Variants in APBA1 observed in about 807,000 individuals in gnomAD.
APBA1 encodes the protein amyloid-beta A4 precursor protein-binding family A member 1.
APBA1 carries 55 observed loss-of-function variants against 86.6 expected under a neutral mutation model. The ratio of observed to expected loss-of-function variants is 0.64; its 90% CI spans 0.51 to 0.80. The LOEUF (loss-of-function observed/expected upper bound fraction) is 0.80. Ranked by LOEUF, APBA1 falls within the 30% of genes least tolerant of loss-of-function variation. The probability of loss-of-function intolerance (pLI) is 0.00; values close to 1 mark genes in which losing one functional copy is unlikely to be tolerated. For synonymous variants in APBA1, 511 were observed against 493.9 expected, an observed-to-expected ratio of 1.03 and a Z score of -0.46; for missense variants, 1,090 against 1,183.0, an observed-to-expected ratio of 0.92 and a Z score of 1.15.
intron 1 of APBA1, among the ~76,000 whole-genome samples, chr9:69,587,949 C>T (rs746886531): frequency 6.6e-6 from 1 of 150,544 alleles, no homozygotes; most frequent in African/African-American, 2.4e-5. Context: ...TCGTTTGAAC[C>T]CGGGAGGTGG....
At chr9:69,576,155 G>A (rs1423339890) in intron 1 of APBA1, among the ~76,000 whole-genome samples, 1 of 152,168 alleles carries the variant, frequency 6.6e-6, no homozygotes, top group African/African-American at 2.4e-5. Context: ...AAACCACAAT[G>A]AGATACCATC....
chr9:69,506,011 T>G (rs542144140), intron 2 of APBA1, among the ~76,000 whole-genome samples: 5 of 147,360 alleles, frequency 3.4e-5, no homozygotes, highest in Admixed American at 6.8e-5. Context: ...AGAGCAAGAC[T>G]CCATCTAAAA....
At position 69,516,415 on chromosome 9, in the gene APBA1, G is replaced by C; in HGVS notation, c.796C>G (p.Gln266Glu). The C allele has an allele frequency of 3.7e-6, 6 of 1,604,834 alleles. No homozygotes were observed. Among genetic ancestry groups the C allele is most frequent in the Non-Finnish European group, 4.2e-6 (5 of 1,178,708 alleles). The change falls in exon 2 of 13, where the codon CAG (glutamine) becomes GAG (glutamate). Residue 266 changes from glutamine (Q) to glutamate (E), a missense_variant. By Grantham distance (29) the Gln-to-Glu change is conservative. Coordinates refer to ENST00000265381, the MANE Select transcript of APBA1 (RefSeq NM_001163.4). This position sits in a 1 kb window ranked among gnomAD's most constrained non-coding sequence, Gnocchi z 7.3. Reference protein sequence around the residue: ...APYPRMDSYEQEEDIDQIVAE... With the variant: ...APYPRMDSYEEEEDIDQIVAE... ...ACTATCTGGTCGATGTCCTCCTCCT[G>C]CTCGTAGCTGTCCATGCGCGGGTAG...
At position 69,467,881 on chromosome 9, in the gene APBA1, T is replaced by A; in HGVS notation, c.1424A>T (p.Lys475Ile). 1 of 1,614,142 alleles carries A rather than the reference T, an allele frequency of 6.2e-7. No individual in the cohort carries two copies. Among genetic ancestry groups the A allele is most frequent in the Non-Finnish European group, 8.5e-7 (1 of 1,180,028 alleles). Reference sequence around the variant, plus strand: ...CATGCGCACGTTTTTGGAAGGAGTTTTGTCTGAGAGCAGCTGAGTGGAGCC... The same window carrying A: ...CATGCGCACGTTTTTGGAAGGAGTTATGTCTGAGAGCAGCTGAGTGGAGCC... ...YLGSTQLLSD[K>I]TPSKNVRMMQ... Residue 475 changes from lysine (K) to isoleucine (I), a missense_variant, in exon 5 of 13, where the codon AAA (lysine) becomes ATA (isoleucine). Lys to Ile is a moderately radical substitution (Grantham distance 102). Coordinates refer to ENST00000265381, the MANE Select transcript of APBA1 (RefSeq NM_001163.4).
intron 1 of APBA1, among the ~76,000 whole-genome samples, chr9:69,557,522 G>C (rs1037401951): frequency 6.6e-6 from 1 of 152,052 alleles, no homozygotes; most frequent in African/African-American, 2.4e-5. Context: ...CTGCCCTGTT[G>C]CCTGCCATCA....
In APBA1 at chr9:69,481,371, T is replaced by C. The variant is rs528934779; in HGVS notation, c.1201-5228A>G. Among the ~76,000 whole-genome samples, 496 of 152,078 alleles carry C rather than the reference T, an allele frequency of 3.3e-3. 4 individuals are homozygous for C. The highest frequency in any genetic ancestry group is 0.011 in the African/African-American group (474 of 41,466). On this transcript the variant is annotated intron_variant, in intron 2 of 12. Coordinates refer to ENST00000265381, the MANE Select transcript of APBA1 (RefSeq NM_001163.4). ...ATCATGAGCGAACTCCCATTCACAA[T>C]TGCTTCAAAGAGAATACAATACCTA...
At position 69,577,261 on chromosome 9, in the gene APBA1, T is replaced by C. The variant is rs550609661; in HGVS notation, c.-69-59982A>G. Among the ~76,000 whole-genome samples, 30 of 152,298 alleles carry C rather than the reference T, an allele frequency of 2.0e-4. No homozygotes were observed. The East Asian group carries it at 2.5e-3, about 13-fold the overall frequency. The stretch of plus-strand genomic sequence containing the variant: ...GTAATTTGTGAATAATTTTATTGAG[T>C]AAATAATCAACTTGGTCTATGTGAA... On this transcript the variant is annotated intron_variant, in intron 1 of 12. Transcript: ENST00000265381.
chr9:69,504,329 C>T (rs1467784212), intron 2 of APBA1, among the ~76,000 whole-genome samples: 1 of 152,092 alleles, frequency 6.6e-6, no homozygotes, highest in Non-Finnish European at 1.5e-5. Flanking sequence ...CTACTTTCCA[C>T]CTTTTTGCCA....
At chr9:69,446,286 T>C (rs1834906359) in intron 10 of APBA1, among the ~76,000 whole-genome samples, 1 of 150,976 alleles carries the variant, frequency 6.6e-6, no homozygotes. Context: ...GGACGGACCA[T>C]CACATTTCCC....
chr9:69,629,603 G>A (rs550631652), intron 1 of APBA1, among the ~76,000 whole-genome samples: 10 of 152,324 alleles, frequency 6.6e-5, no homozygotes, highest in Admixed American at 6.5e-4. Flanking sequence ...AGTCCAGATT[G>A]ACAGTCAGCT....
intron 1 of APBA1, among the ~76,000 whole-genome samples, chr9:69,531,732 A>C (rs998852543): frequency 3.9e-5 from 6 of 152,224 alleles, no homozygotes; most frequent in Non-Finnish European, 7.3e-5. Flanking sequence ...AGGGAAAGTA[A>C]AAACAGAGAG....
chr9:69,563,392 A>C (rs557943315), intron 1 of APBA1, among the ~76,000 whole-genome samples: 4 of 152,348 alleles, frequency 2.6e-5, no homozygotes, highest in African/African-American at 9.6e-5. Context: ...AAATGACTAC[A>C]AATAAAAAGC....
At position 69,431,141 on chromosome 9, in the gene APBA1, G is replaced by GAAA. The variant is rs772262179; in HGVS notation, c.*183_*185dup. 2.4e-4 allele frequency: 68 copies of GAAA among 285,078 alleles called. No individual in the cohort carries two copies. The highest frequency in any genetic ancestry group is 6.9e-4 in the Middle Eastern group (1 of 1,444). The allele number at this position is 285,078 out of a possible 1,614,324, so 17.7% of individuals were successfully genotyped here. A position where few individuals can be genotyped will look rare whatever the true frequency, so the allele number is the denominator to read the frequency against. ...GTGCATACGAAACTTCCCTGGTATT[G>GAAA]AAAAAAAAAAAAAAAAAAAAGCAAA... On this transcript the variant is annotated 3_prime_UTR_variant, in exon 13 of 13. Transcript: ENST00000265381.
chr9:69,612,666 A>G (rs1388498576), intron 1 of APBA1, among the ~76,000 whole-genome samples: 1 of 152,070 alleles, frequency 6.6e-6, no homozygotes, highest in African/African-American at 2.4e-5. Context: ...AGAGTTTAAA[A>G]TTCTAATTAA....
intron 8 of APBA1, among the ~76,000 whole-genome samples, chr9:69,452,958 C>T (rs1048874324): frequency 6.6e-6 from 1 of 152,134 alleles, no homozygotes; most frequent in Non-Finnish European, 1.5e-5. Flanking sequence ...ATTATTTGGC[C>T]CTCAATTTGA....
chr9:69,639,282 A>G (rs931139903), intron 1 of APBA1, among the ~76,000 whole-genome samples: 2 of 152,212 alleles, frequency 1.3e-5, no homozygotes, highest in African/African-American at 4.8e-5. Context: ...GGAAGGATCA[A>G]TATGAACTTG....
At chr9:69,456,924 C>T in intron 7 of APBA1, 129 bp downstream of exon 7, 1 of 770,060 alleles carries the variant, frequency 1.3e-6, no homozygotes, top group Non-Finnish European at 2.1e-6. Flanking sequence ...ACACCACCTT[C>T]TAGCTCACTG....
At position 69,521,540 on chromosome 9, in the gene APBA1, C is replaced by T. The variant is rs901344085; in HGVS notation, c.-69-4261G>A. On this transcript the variant is annotated intron_variant, in intron 1 of 12. Transcript: ENST00000265381. ...AAGTCCCCATTCTAGTGCACTGGGT[C>T]GGGGGTCAGAGGGAAAAAAGGGCAG... Among the ~76,000 whole-genome samples the T allele has an allele frequency of 3.3e-5, 5 of 151,826 alleles. No homozygotes were observed. The East Asian group carries it at 7.7e-4, about 23-fold the overall frequency.
chr9:69,454,514 A>C (rs765121721), intron 8 of APBA1, among the ~76,000 whole-genome samples: 1 of 152,140 alleles, frequency 6.6e-6, no homozygotes, highest in Non-Finnish European at 1.5e-5. Flanking sequence ...GCAGAAGAGG[A>C]ACTTGAGGCT....
Sources: allele counts gnomAD v4.1 joint callset (sites outside exome capture counted in the v4.1 genomes callset), GRCh38; gene constraint gnomAD v4.1.1; non-coding constraint Gnocchi (gnomAD v3.1); transcripts MANE v1.5; gene names NCBI Gene and HGNC (gene_info 2026-07-23, HGNC 2026-07-21).